The following ZC3H8 variants were observed in gnomAD, a reference collection of about 807,000 sequenced individuals.
ZC3H8 encodes the protein zinc finger CCCH domain-containing protein 8.
A neutral mutation model predicts 42.5 loss-of-function variants in ZC3H8; 27 were observed. The observed-to-expected ratio is 0.64, with a 90% CI of 0.47 to 0.88. The LOEUF (loss-of-function observed/expected upper bound fraction) is 0.88, where lower values mean the gene tolerates loss of function less well. ZC3H8 is among the 40% of genes least tolerant of loss of function. ZC3H8 has a pLI of 0.00. For missense variants in ZC3H8, 277 were observed against 336.1 expected, an observed-to-expected ratio of 0.82 and a Z score of 1.37; for synonymous variants, 101 against 110.1, an observed-to-expected ratio of 0.92 and a Z score of 0.52.
chr2:112,252,090 C>T (rs1685969318), intron 1 of ZC3H8, among the ~76,000 whole-genome samples: 1 of 152,176 alleles, frequency 6.6e-6, no homozygotes, highest in Non-Finnish European at 1.5e-5. Flanking sequence ...TATATCATCA[C>T]TATGAATATC....
intron 2 of ZC3H8, among the ~76,000 whole-genome samples, chr2:112,245,917 T>C (rs1461460466): frequency 2.6e-5 from 4 of 152,208 alleles, no homozygotes; most frequent in African/African-American, 4.8e-5. Flanking sequence ...CGTAAATTTA[T>C]ACAAATAAAA....
chr2:112,241,134 T>C (rs533240454), intron 2 of ZC3H8, among the ~76,000 whole-genome samples: 34 of 152,004 alleles, frequency 2.2e-4, no homozygotes, highest in African/African-American at 8.2e-4. Flanking sequence ...GTGTGAGAAA[T>C]GGGGCTATAA....
intron 2 of ZC3H8, among the ~76,000 whole-genome samples, chr2:112,247,299 C>T (rs1685796387): frequency 6.6e-6 from 1 of 152,154 alleles, no homozygotes. Flanking sequence ...CTATAGCCAG[C>T]CATGGTGGCT....
chr2:112,246,072 C>G (rs1490700725), intron 2 of ZC3H8, among the ~76,000 whole-genome samples: 2 of 152,136 alleles, frequency 1.3e-5, no homozygotes, highest in African/African-American at 4.8e-5. Context: ...TGCCTGTGCT[C>G]TATATATGGA....
intron 1 of ZC3H8, among the ~76,000 whole-genome samples, chr2:112,252,711 C>G (rs557933077): frequency 6.6e-6 from 1 of 152,204 alleles, no homozygotes; most frequent in Non-Finnish European, 1.5e-5. Context: ...CAAGCTCACT[C>G]CGTCTGAGGA....
intron 6 of ZC3H8, among the ~76,000 whole-genome samples, chr2:112,232,638 T>A (rs950871243): frequency 6.6e-6 from 1 of 152,200 alleles, no homozygotes; most frequent in Non-Finnish European, 1.5e-5. Flanking sequence ...CCTTTGTACA[T>A]TAGACTTGTT....
At chr2:112,224,533 T>C (rs961264683) in intron 8 of ZC3H8, among the ~76,000 whole-genome samples, 3 of 152,216 alleles carry the variant, frequency 2.0e-5, no homozygotes, top group African/African-American at 7.2e-5. Context: ...TCAAATTACA[T>C]TGCCTCAAAG....
chr2:112,251,250 A>C lies in ZC3H8; in HGVS notation c.75-978T>G, dbSNP rs930810112. 2.0e-5 allele frequency among the ~76,000 whole-genome samples: 3 copies of C among 152,238 alleles called. No homozygotes were observed. In the East Asian group the frequency reaches 5.8e-4, roughly 29 times the overall value. ...GTTACAAAGGGAAAGCACTGACAGCACAAGGAGAATGTGAACAGTGGCTCC... is the reference window on the plus strand; with the variant it reads ...GTTACAAAGGGAAAGCACTGACAGCCCAAGGAGAATGTGAACAGTGGCTCC... On this transcript the variant is annotated intron_variant, in intron 1 of 8. Transcript: ENST00000409573.
intron 8 of ZC3H8, among the ~76,000 whole-genome samples, chr2:112,223,266 A>T (rs1684671319): frequency 6.6e-6 from 1 of 152,210 alleles, no homozygotes; most frequent in South Asian, 2.1e-4. Context: ...ATTTAAAAAA[A>T]GAAAAAAAAA....
intron 2 of ZC3H8, among the ~76,000 whole-genome samples, chr2:112,245,260 T>A (rs1685715443): frequency 6.6e-6 from 1 of 152,198 alleles, no homozygotes; most frequent in African/African-American, 2.4e-5. Flanking sequence ...TTCAATTCTA[T>A]GAAGGTGGAA....
chr2:112,240,996 T>C (rs1685561191), intron 2 of ZC3H8, among the ~76,000 whole-genome samples: 1 of 140,324 alleles, frequency 7.1e-6, no homozygotes, highest in Admixed American at 7.2e-5. Flanking sequence ...CGCGTGTGTA[T>C]GTGTGTTGTG....
At position 112,234,202 on chromosome 2, in the gene ZC3H8, C is replaced by G; in HGVS notation, c.539G>C (p.Ser180Thr). 7 of 1,609,164 alleles carry G rather than the reference C, an allele frequency of 4.4e-6. No individual in the cohort carries two copies. The highest frequency in any genetic ancestry group is 5.9e-6 in the Non-Finnish European group (7 of 1,178,396). Residue 180 changes from serine (S) to threonine (T), a missense_variant, in exon 5 of 9, where the codon AGT (serine) becomes ACT (threonine). By Grantham distance (58) the Ser-to-Thr change is moderately conservative (BLOSUM62 1). Transcript: ENST00000409573. ...TGTATGTTGGTTGATGAATGCCTGA[C>G]TCAAATGCTGCTGCTTCTCTTTAGG... ...GKPKEKQQHL[S>T]QAFINQHTVE...
chr2:112,224,387 T>C (rs1684726397), intron 8 of ZC3H8, among the ~76,000 whole-genome samples: 1 of 152,204 alleles, frequency 6.6e-6, no homozygotes, highest in Non-Finnish European at 1.5e-5. Context: ...CTTATCAAGC[T>C]ACAATTTGAA....
Position 112,211,974 on chromosome 2 carries a change from T to C in ZC3H8, c.*4510A>G, listed in dbSNP as rs1018543233. Reference sequence around the variant, plus strand: ...CTGCTCCTTATTATGAAAATAGCCCTCCCCATCTTAATTTCTCTTCATTTC... The same window carrying C: ...CTGCTCCTTATTATGAAAATAGCCCCCCCCATCTTAATTTCTCTTCATTTC... On this transcript the variant is annotated 3_prime_UTR_variant, in exon 9 of 9. Coordinates refer to ENST00000409573, the MANE Select transcript of ZC3H8 (RefSeq NM_032494.3). 2 of 152,174 alleles carry C rather than the reference T, an allele frequency of 1.3e-5. No individual in the cohort carries two copies. The highest frequency in any genetic ancestry group is 4.8e-5 in the African/African-American group (2 of 41,440). 9.4% of individuals were successfully genotyped at this position (152,174 alleles called of 1,614,324 possible). A position where few individuals can be genotyped will look rare whatever the true frequency, so the allele number is the denominator to read the frequency against.
intron 1 of ZC3H8, among the ~76,000 whole-genome samples, chr2:112,250,581 C>A (rs180855698): frequency 6.6e-6 from 1 of 152,190 alleles, no homozygotes; most frequent in South Asian, 2.1e-4. Context: ...CCACCATGTA[C>A]GAGGCTCCGG....
intron 3 of ZC3H8, 67 bp from the exon 4 acceptor site, chr2:112,236,762 C>T (rs1248977026): frequency 1.9e-5 from 26 of 1,404,704 alleles, no homozygotes; most frequent in Admixed American, 4.2e-5. Context: ...TTAAGAAGTA[C>T]GGGGCCAGGT....
chr2:112,220,289 G>A (rs1274980553), intron 8 of ZC3H8, among the ~76,000 whole-genome samples: 11 of 152,186 alleles, frequency 7.2e-5, no homozygotes, highest in Admixed American at 7.2e-4. Flanking sequence ...GGCCAGTAAT[G>A]GTCTTTACTT....
intron 8 of ZC3H8, among the ~76,000 whole-genome samples, chr2:112,217,518 G>GC (rs1311149133): frequency 2.5e-4 from 38 of 152,278 alleles, no homozygotes; most frequent in African/African-American, 8.9e-4. Flanking sequence ...TTGGATGGGT[G>GC]CTTTATGCAT....
intron 8 of ZC3H8, among the ~76,000 whole-genome samples, chr2:112,216,683 C>CAAAAAAAAAAAA (rs71385865): frequency 8.3e-6 from 1 of 121,024 alleles, no homozygotes; most frequent in African/African-American, 3.0e-5. Context: ...AGAACTGAAG[C>CAAAAAAAAAAAA]AAAAAAAAAA....
Sources: gnomAD v4.1 joint callset for allele counts (sites outside exome capture counted in the v4.1 genomes callset) on GRCh38, gnomAD v4.1.1 for gene constraint, MANE v1.5 for transcripts, NCBI Gene and HGNC (gene_info 2026-07-23, HGNC 2026-07-21) for gene names.